HIF1A: variants seen among roughly 807,000 people sequenced by gnomAD.
HIF1A encodes hypoxia inducible factor 1 subunit alpha, also known as hypoxia-inducible factor 1-alpha.
In HIF1A, 24 loss-of-function variants were observed where a neutral mutation model predicts 92.7. That is an observed-to-expected ratio of 0.26 (90% CI 0.19 to 0.36). The LOEUF (loss-of-function observed/expected upper bound fraction) is 0.36. HIF1A is among the 10% of genes least tolerant of loss of function. The pLI, the probability that HIF1A is intolerant of heterozygous loss-of-function variation, is 1.00. For synonymous variants in HIF1A, 319 were observed against 338.7 expected, an observed-to-expected ratio of 0.94 and a Z score of 0.64; for missense variants, 799 against 998.5, an observed-to-expected ratio of 0.80 and a Z score of 2.69.
intron 12 of HIF1A, 85 bp from the exon 13 acceptor site, chr14:61,744,620 A>G (rs2044754260): frequency 1.7e-6 from 1 of 573,868 alleles, no homozygotes; most frequent in Non-Finnish European, 3.1e-6. Context: ...GGAGAACTAA[A>G]GAATTATGTA....
intron 1 of HIF1A, among the ~76,000 whole-genome samples, chr14:61,699,665 A>G (rs1446809753): frequency 1.3e-5 from 2 of 152,168 alleles, no homozygotes; most frequent in Non-Finnish European, 2.9e-5. Flanking sequence ...GGATAAAAAA[A>G]TCTAAATTTA....
Position 61,738,110 on chromosome 14 carries a change from C to T in HIF1A, c.1273C>T (p.Leu425Phe). 6.2e-7 allele frequency: 1 copy of T among 1,606,074 alleles called. No individual in the cohort carries two copies. Among genetic ancestry groups the T allele is most frequent in the Non-Finnish European group, 8.5e-7 (1 of 1,175,966 alleles). Residue 425 changes from leucine (L) to phenylalanine (F), a missense_variant, in exon 10 of 15, where the codon CTT (leucine) becomes TTT (phenylalanine). Transcript: ENST00000337138. ...SNDTETDDQQ[L>F]EEVPLYNDVM... Reference sequence around the variant, plus strand: ...AGACACAGAAACTGATGACCAGCAACTTGAGGAAGTACCATTATATAATGA... The same window carrying T: ...AGACACAGAAACTGATGACCAGCAATTTGAGGAAGTACCATTATATAATGA...
chr14:61,718,533 T>C (rs1258961683), intron 1 of HIF1A, among the ~76,000 whole-genome samples: 2 of 152,224 alleles, frequency 1.3e-5, no homozygotes, highest in Admixed American at 6.5e-5. Context: ...ATTATCATCA[T>C]ACTTGTTTTT....
chr14:61,744,485 C>T (rs911340049), intron 12 of HIF1A, among the ~76,000 whole-genome samples: 10 of 147,702 alleles, frequency 6.8e-5, no homozygotes, highest in Admixed American at 5.5e-4. Flanking sequence ...TGCACTCCAG[C>T]CTGGCTGACA....
In HIF1A at chr14:61,745,771, T is replaced by G. The variant is rs1361642879; in HGVS notation, c.2283T>G (p.Ser761Arg). ...AACGTGTAAAAGGATGCAAATCTAGTGAACAGAATGGAATGGAGCAAAAGA... is the reference window on the plus strand; with the variant it reads ...AACGTGTAAAAGGATGCAAATCTAGGGAACAGAATGGAATGGAGCAAAAGA... ...SWKRVKGCKSSEQNGMEQKTI... is the reference protein window; with the variant it reads ...SWKRVKGCKSREQNGMEQKTI... Residue 761 changes from serine (S) to arginine (R), a missense_variant, in exon 14 of 15, where the codon AGT (serine) becomes AGG (arginine). Physicochemically the swap from Ser to Arg is moderately radical, Grantham distance 110. This residue lies in a region of HIF1A where 283 missense variants were observed against 277.5 expected (regional missense o/e 1.02). Transcript: ENST00000337138. 2 of 1,612,494 alleles carry G rather than the reference T, an allele frequency of 1.2e-6. No individual in the cohort carries two copies. Among genetic ancestry groups the G allele is most frequent in the Non-Finnish European group, 1.7e-6 (2 of 1,178,532 alleles).
rs116379776 is a variant in HIF1A, at chr14:61,731,485, C to T, written c.774-933C>T. 4.1e-3 allele frequency among the ~76,000 whole-genome samples: 625 copies of T among 152,258 alleles called. 7 individuals carry two copies. The highest frequency in any genetic ancestry group is 0.014 in the African/African-American group (596 of 41,550). The stretch of plus-strand genomic sequence containing the variant: ...ATTTTCATTTGAAATATTGTTTTAT[C>T]TGAAATTACTCCCATAATTTCATGT... On this transcript the variant is annotated intron_variant, in intron 6 of 14. Transcript: ENST00000337138.
At position 61,695,717 on chromosome 14, in the gene HIF1A, C is replaced by T. The variant is rs11549466; in HGVS notation, c.-88C>T. On this transcript the variant is annotated 5_prime_UTR_variant, in exon 1 of 15. Transcript: ENST00000337138. ...CACCTCTGGACTTGCCTTTCCTTCT[C>T]TTCTCCGCGTGTGGAGGGAGCCAGC... 1 of 1,431,952 alleles carries T rather than the reference C, an allele frequency of 7.0e-7. No homozygotes were observed. The highest frequency in any genetic ancestry group is 1.4e-5 in the African/African-American group (1 of 70,698). The allele number at this position is 1,431,952 out of a possible 1,614,324, so 88.7% of individuals were successfully genotyped here.
In HIF1A at chr14:61,744,804, A is replaced by G; in HGVS notation, c.2193A>G (p.Ala731=). The change falls in exon 13 of 15, where the codon GCA becomes GCG. Residue 731 remains alanine (A), a synonymous_variant. Coordinates refer to ENST00000337138, the MANE Select transcript of HIF1A (RefSeq NM_001530.4). Reference sequence around the variant, plus strand: ...AACATGATGGTTCACTTTTTCAAGCAGTAGGAATTGTAAGTATGAGTAGTA... The same window carrying G: ...AACATGATGGTTCACTTTTTCAAGCGGTAGGAATTGTAAGTATGAGTAGTA... ...KMEHDGSLFQ[A]VGIGTLLQQP... 1 of 1,551,178 alleles carries G rather than the reference A, an allele frequency of 6.4e-7. No homozygotes were observed. Among genetic ancestry groups the G allele is most frequent in the South Asian group, 1.1e-5 (1 of 88,674 alleles).
intron 1 of HIF1A, chr14:61,698,870 C>G (rs2044145421): frequency 6.6e-6 from 1 of 152,128 alleles, no homozygotes; most frequent in Non-Finnish European, 1.5e-5. Context: ...ACTCTAGAGT[C>G]AAACATACAC....
chr14:61,721,868 CATA>C (rs1402363788), intron 4 of HIF1A, 45 bp downstream of exon 4: 1 of 1,348,132 alleles, frequency 7.4e-7, no homozygotes, highest in South Asian at 1.2e-5. Context: ...GGTGGTTTTA[CATA>C]ATAAGATACT....
intron 1 of HIF1A, among the ~76,000 whole-genome samples, chr14:61,719,249 G>A (rs2044398453): frequency 6.6e-6 from 1 of 152,148 alleles, no homozygotes; most frequent in Non-Finnish European, 1.5e-5. Flanking sequence ...TTTAACATTT[G>A]GTGAAGAATC....
chr14:61,708,624 C>T (rs2044271899), intron 1 of HIF1A, among the ~76,000 whole-genome samples: 2 of 141,604 alleles, frequency 1.4e-5, no homozygotes, highest in African/African-American at 4.9e-5. Flanking sequence ...AGATAAGCGG[C>T]ATTATTTCTG....
intron 4 of HIF1A, 63 bp downstream of exon 4, chr14:61,721,886 C>A: frequency 8.6e-7 from 1 of 1,161,802 alleles, no homozygotes; most frequent in Non-Finnish European, 1.3e-6. Flanking sequence ...GATACTATTG[C>A]TAATTATTAA....
In HIF1A at chr14:61,748,200, G is replaced by C. The variant is rs555623016; in HGVS notation, c.*1115G>C. ...TTCATTCCTTTTGCTCTTTGTGGTT[G>C]GATCTAACACTAACTGTATTGTTTT... is the stretch of plus-strand genomic sequence containing the variant. On this transcript the variant is annotated 3_prime_UTR_variant, in exon 15 of 15. Transcript: ENST00000337138. 1.4e-4 allele frequency: 21 copies of C among 152,446 alleles called. No individual in the cohort carries two copies. The South Asian group carries it at 4.2e-3, about 30-fold the overall frequency. The allele number at this position is 152,446 out of a possible 1,614,324, so 9.4% of individuals were successfully genotyped here.
intron 6 of HIF1A, among the ~76,000 whole-genome samples, chr14:61,731,839 G>A (rs542662290): frequency 3.7e-4 from 56 of 152,324 alleles, no homozygotes; most frequent in South Asian, 1.2e-3. Flanking sequence ...GATGTAATAA[G>A]AATAGGTAAC....
intron 1 of HIF1A, among the ~76,000 whole-genome samples, chr14:61,698,702 C>A (rs996355317): frequency 6.6e-6 from 1 of 152,066 alleles, no homozygotes; most frequent in Non-Finnish European, 1.5e-5. Context: ...TTTCCTGTTA[C>A]AATGGGCAAA....
At chr14:61,734,028 TAAAC>T in intron 7 of HIF1A, 106 bp from the exon 8 acceptor site, 2 of 729,594 alleles carry the variant, frequency 2.7e-6, no homozygotes, top group African/African-American at 1.8e-5. Flanking sequence ...TTCCACTAAA[TAAAC>T]ATTTGTTTTC....
chr14:61,744,674 A>G (rs141273703), intron 12 of HIF1A, 31 bp from the exon 13 acceptor site: 10,556 of 935,316 alleles, frequency 0.011, 106 homozygotes, highest in Non-Finnish European at 0.015. Context: ...TAAAAACGCT[A>G]TATTTTCATT....
At chr14:61,732,360 A>T (rs1429896289) in intron 6 of HIF1A, 58 bp from the exon 7 acceptor site, 1 of 1,134,810 alleles carries the variant, frequency 8.8e-7, no homozygotes, top group African/African-American at 1.6e-5. Context: ...GAGGAGAAAA[A>T]TTTTTCTTTA....
Sources: allele counts gnomAD v4.1 joint callset (sites outside exome capture counted in the v4.1 genomes callset), GRCh38; gene constraint gnomAD v4.1.1; regional missense constraint gnomAD v4.1.1; transcripts MANE v1.5; gene names NCBI Gene and HGNC (gene_info 2026-07-23, HGNC 2026-07-21).